MACROD2: variants seen among roughly 807,000 people sequenced by gnomAD.
MACROD2 encodes the protein ADP-ribose glycohydrolase MACROD2.
A neutral mutation model predicts 70.4 loss-of-function variants in MACROD2; 36 were observed. The observed-to-expected ratio is 0.51, with a 90% CI of 0.39 to 0.68. The LOEUF is 0.68. Among genes scored for constraint, MACROD2 ranks in the 30% least tolerant of loss-of-function variants. The pLI is 0.00. For synonymous variants in MACROD2, 172 were observed against 178.8 expected, an observed-to-expected ratio of 0.96 and a Z score of 0.30; for missense variants, 496 against 538.4, an observed-to-expected ratio of 0.92 and a Z score of 0.78.
At chr20:15,702,952 T>G (rs980645029) in intron 8 of MACROD2, among the ~76,000 whole-genome samples, 2 of 152,126 alleles carry the variant, frequency 1.3e-5, no homozygotes, top group African/African-American at 4.8e-5. Flanking sequence ...CATAGACTAA[T>G]GGAACAGAAT....
chr20:15,202,146 A>G (rs2076661986), intron 5 of MACROD2, among the ~76,000 whole-genome samples: 1 of 152,146 alleles, frequency 6.6e-6, no homozygotes, highest in African/African-American at 2.4e-5. Context: ...CTAAAATTGA[A>G]CCGTATAAAA....
intron 13 of MACROD2, among the ~76,000 whole-genome samples, chr20:15,984,804 T>G (rs2066454913): frequency 6.6e-6 from 1 of 152,236 alleles, no homozygotes; most frequent in South Asian, 2.1e-4. Context: ...TCCTTTGCTA[T>G]TAATAAGATC....
chr20:15,815,642 T>A (rs2147094465), intron 8 of MACROD2, among the ~76,000 whole-genome samples: 1 of 152,302 alleles, frequency 6.6e-6, no homozygotes, highest in South Asian at 2.1e-4. Flanking sequence ...TAGTTCTAAG[T>A]TTTGAAATTT....
chr20:14,166,728 C>G (rs2055274691), intron 3 of MACROD2, among the ~76,000 whole-genome samples: 1 of 151,968 alleles, frequency 6.6e-6, no homozygotes, highest in Admixed American at 6.6e-5. Context: ...TTTTTCTTTT[C>G]TTTTCCTGGG....
rs186718569 is a variant in MACROD2, at chr20:14,076,584, T to G, written c.164-9037T>G. On this transcript the variant is annotated intron_variant, in intron 2 of 17. Coordinates refer to ENST00000684519, the MANE Select transcript of MACROD2 (RefSeq NM_001351661.2). Reference sequence around the variant, plus strand: ...GTCCCAGCTACTCAGGAAGCTGAGGTGGGAGGAACGCTTGAGCCCGGGAGT... The same window carrying G: ...GTCCCAGCTACTCAGGAAGCTGAGGGGGGAGGAACGCTTGAGCCCGGGAGT... Among the ~76,000 whole-genome samples the G allele has an allele frequency of 1.2e-3, 189 of 151,982 alleles. 3 individuals are homozygous for G. The highest frequency in any genetic ancestry group is 2.0e-3 in the Non-Finnish European group (137 of 67,964).
intron 8 of MACROD2, among the ~76,000 whole-genome samples, chr20:15,657,086 AAAG>A (rs1426792868): frequency 6.6e-6 from 1 of 152,146 alleles, no homozygotes; most frequent in East Asian, 1.9e-4. Flanking sequence ...AAGAATGAAA[AAAG>A]GTAAGGACAG....
intron 3 of MACROD2, among the ~76,000 whole-genome samples, chr20:14,205,692 G>T (rs2081517451): frequency 6.6e-6 from 1 of 152,134 alleles, no homozygotes; most frequent in Non-Finnish European, 1.5e-5. Context: ...TGCCCTATCT[G>T]CCTAGGAGAG....
At chr20:14,018,140 A>C (rs2053019726) in intron 2 of MACROD2, among the ~76,000 whole-genome samples, 1 of 152,064 alleles carries the variant, frequency 6.6e-6, no homozygotes, top group Non-Finnish European at 1.5e-5. Flanking sequence ...CCTCACTTTA[A>C]TTTCTGATCA....
At chr20:15,952,403 T>A (rs2065919152) in intron 12 of MACROD2, among the ~76,000 whole-genome samples, 1 of 151,842 alleles carries the variant, frequency 6.6e-6, no homozygotes, top group Non-Finnish European at 1.5e-5. Flanking sequence ...TTTTTTTTTT[T>A]ATCAGTACTG....
At chr20:15,010,279 C>T (rs926365982) in intron 5 of MACROD2, among the ~76,000 whole-genome samples, 1 of 152,102 alleles carries the variant, frequency 6.6e-6, no homozygotes, top group South Asian at 2.1e-4. Flanking sequence ...TGCACCATGC[C>T]GCCACTTAGG....
At chr20:14,462,742 T>C (rs531333810) in intron 3 of MACROD2, among the ~76,000 whole-genome samples, 1 of 152,242 alleles carries the variant, frequency 6.6e-6, no homozygotes, top group South Asian at 2.1e-4. Flanking sequence ...CAGTTTCAGC[T>C]TTCTACATAT....
chr20:14,604,915 C>T (rs1441982809), intron 4 of MACROD2, among the ~76,000 whole-genome samples: 1 of 152,162 alleles, frequency 6.6e-6, no homozygotes, highest in Non-Finnish European at 1.5e-5. Context: ...TATGGAAAGG[C>T]TGGTACAATT....
At chr20:15,649,100 C>T (rs1293659213) in intron 8 of MACROD2, among the ~76,000 whole-genome samples, 16 of 88,220 alleles carry the variant, frequency 1.8e-4, no homozygotes, top group South Asian at 1.3e-3. Flanking sequence ...TCCCTCCCCT[C>T]CCCTCCCCTT....
intron 5 of MACROD2, among the ~76,000 whole-genome samples, chr20:14,794,839 C>A (rs1303167086): frequency 6.6e-6 from 1 of 151,846 alleles, no homozygotes; most frequent in East Asian, 1.9e-4. Flanking sequence ...AGAAAAACAG[C>A]AATTAAACAC....
intron 5 of MACROD2, among the ~76,000 whole-genome samples, chr20:15,192,230 T>C (rs564948373): frequency 7.1e-4 from 108 of 152,288 alleles, no homozygotes; most frequent in African/African-American, 2.5e-3. Context: ...TAACTCTCAT[T>C]GTTTGTACAT....
At chr20:14,388,709 A>C (rs2083493873) in intron 3 of MACROD2, among the ~76,000 whole-genome samples, 1 of 151,746 alleles carries the variant, frequency 6.6e-6, no homozygotes, top group Non-Finnish European at 1.5e-5. Context: ...GGCACATCTC[A>C]AGCAATTCTA....
intron 3 of MACROD2, among the ~76,000 whole-genome samples, chr20:14,096,763 A>G (rs2054232792): frequency 6.6e-6 from 1 of 152,172 alleles, no homozygotes; most frequent in Admixed American, 6.5e-5. Flanking sequence ...TTGGTCCCTT[A>G]TCTTAACATT....
chr20:15,607,920 T>C (rs932546636), intron 8 of MACROD2, among the ~76,000 whole-genome samples: 7 of 152,180 alleles, frequency 4.6e-5, no homozygotes, highest in Non-Finnish European at 8.8e-5. Flanking sequence ...CTAACTAAAA[T>C]CAATATCCAG....
chr20:14,278,864 T>G (rs1036587160), intron 3 of MACROD2, among the ~76,000 whole-genome samples: 2 of 88,974 alleles, frequency 2.2e-5, no homozygotes, highest in Middle Eastern at 5.0e-3. Context: ...CTAATTTAAA[T>G]GAGTTACTTA....
Sources: allele counts gnomAD v4.1 joint callset (sites outside exome capture counted in the v4.1 genomes callset), GRCh38; gene constraint gnomAD v4.1.1; transcripts MANE v1.5; gene names NCBI Gene and HGNC (gene_info 2026-07-23, HGNC 2026-07-21).